SEC11A: variants seen among roughly 807,000 people sequenced by gnomAD.
SEC11A encodes the protein signal peptidase complex catalytic subunit SEC11A.
Under a neutral mutation model 25.6 loss-of-function variants are expected in SEC11A, and 14 were observed. The observed-to-expected ratio is 0.55, with a 90% CI of 0.36 to 0.85. The LOEUF (loss-of-function observed/expected upper bound fraction) is 0.85, where lower values mean the gene tolerates loss of function less well. SEC11A is among the 40% of genes least tolerant of loss of function. SEC11A has a pLI of 0.01. For missense variants in SEC11A, 153 were observed against 222.9 expected, an observed-to-expected ratio of 0.69 and a Z score of 2.00; for synonymous variants, 83 against 76.4, an observed-to-expected ratio of 1.09 and a Z score of -0.45.
rs577497463 is a variant in SEC11A at position 84,692,688 on chromosome 15, T to C, written c.52-1044A>G. 5.3e-5 allele frequency among the ~76,000 whole-genome samples: 8 copies of C among 152,228 alleles called. No homozygotes were observed. In the East Asian group the frequency reaches 1.5e-3, roughly 29 times the overall value. The stretch of plus-strand genomic sequence containing the variant: ...TTTTGGGCCAAGGCTGGAAAAAGTA[T>C]AGAGAGGATGACTAGACACCATGGC... On this transcript the variant is annotated intron_variant, in intron 1 of 5. Coordinates refer to ENST00000268220, the MANE Select transcript of SEC11A (RefSeq NM_014300.4).
chr15:84,688,156 T>C (rs1034931334), intron 2 of SEC11A, among the ~76,000 whole-genome samples: 2 of 152,166 alleles, frequency 1.3e-5, no homozygotes, highest in African/African-American at 4.8e-5. Flanking sequence ...ACTAAACATA[T>C]TCAGATATGC....
intron 1 of SEC11A, among the ~76,000 whole-genome samples, chr15:84,695,424 T>C (rs1398849544): frequency 6.6e-6 from 1 of 151,326 alleles, no homozygotes; most frequent in African/African-American, 2.4e-5. Flanking sequence ...GATCGCACCA[T>C]TGCACTCCAG....
chr15:84,677,762 C>T (rs1214873150), intron 4 of SEC11A, among the ~76,000 whole-genome samples: 3 of 152,130 alleles, frequency 2.0e-5, no homozygotes, highest in Admixed American at 6.5e-5. Context: ...CGTTAGCCAC[C>T]GCACCCAGCC....
intron 2 of SEC11A, among the ~76,000 whole-genome samples, chr15:84,688,815 G>A (rs751965707): frequency 4.6e-5 from 7 of 152,036 alleles, no homozygotes; most frequent in Non-Finnish European, 7.4e-5. Flanking sequence ...CAGGTGACCT[G>A]AGGTCAGGAG....
intron 3 of SEC11A, among the ~76,000 whole-genome samples, chr15:84,682,338 A>G (rs968224766): frequency 1.3e-5 from 2 of 151,938 alleles, no homozygotes; most frequent in Non-Finnish European, 2.9e-5. Flanking sequence ...TTTTTTCTCT[A>G]ACAAACATGA....
Position 84,670,030 on chromosome 15 carries a change from G to A in SEC11A, c.529C>T (p.His177Tyr). 2 of 1,613,498 alleles carry A rather than the reference G, an allele frequency of 1.2e-6. No individual in the cohort carries two copies. ...LFLLGLFVLV[H>Y]RE Reference sequence around the variant, plus strand: ...GCAAGGCAGGCTTCTTACTCACGATGAACCAGCACGAATAAACCCAGCAAA... The same window carrying A: ...GCAAGGCAGGCTTCTTACTCACGATAAACCAGCACGAATAAACCCAGCAAA... The change falls in exon 6 of 6, where the codon CAT becomes TAT. Residue 177 changes from histidine to tyrosine, a missense_variant. His to Tyr is a moderately conservative substitution (Grantham distance 83). Coordinates refer to ENST00000268220, the MANE Select transcript of SEC11A (RefSeq NM_014300.4).
At chr15:84,710,864 G>A (rs1208325069) in intron 1 of SEC11A, among the ~76,000 whole-genome samples, 1 of 151,962 alleles carries the variant, frequency 6.6e-6, no homozygotes, top group Non-Finnish European at 1.5e-5. Context: ...ACGAGGTCAG[G>A]AGATCAAGAC....
rs187806473 is a variant in SEC11A at position 84,681,382 on chromosome 15, C to A, written c.312-550G>T. On this transcript the variant is annotated intron_variant, in intron 3 of 5. Transcript: ENST00000268220. Reference sequence around the variant, plus strand: ...CGGTGGCTCACGCCTGTAATCCCAGCACTTTGGGAGGCCAAGGTGGGCGGA... The same window carrying A: ...CGGTGGCTCACGCCTGTAATCCCAGAACTTTGGGAGGCCAAGGTGGGCGGA... Among the ~76,000 whole-genome samples, 234 of 152,334 alleles carry A rather than the reference C, an allele frequency of 1.5e-3. No homozygotes were observed. In the Middle Eastern group the frequency reaches 0.017, roughly 11 times the overall value.
chr15:84,682,473 G>C (rs1006039152), intron 3 of SEC11A, among the ~76,000 whole-genome samples: 7 of 152,270 alleles, frequency 4.6e-5, no homozygotes, highest in African/African-American at 1.7e-4. Flanking sequence ...TTTTGAGACA[G>C]AGTCTCACAC....
At chr15:84,708,326 T>TTGAAAC (rs2141923721) in intron 1 of SEC11A, among the ~76,000 whole-genome samples, 1 of 152,050 alleles carries the variant, frequency 6.6e-6, no homozygotes, top group Admixed American at 6.5e-5. Context: ...TATTTCTACA[T>TTGAAAC]TGAAACTTGG....
At chr15:84,710,651 A>G (rs1898233451) in intron 1 of SEC11A, among the ~76,000 whole-genome samples, 2 of 152,102 alleles carry the variant, frequency 1.3e-5, no homozygotes, top group South Asian at 2.1e-4. Flanking sequence ...TAAAAAAGTG[A>G]TTGTTAAAAT....
chr15:84,715,637 T>C (rs899584832), intron 1 of SEC11A, among the ~76,000 whole-genome samples: 1 of 152,140 alleles, frequency 6.6e-6, no homozygotes, highest in Non-Finnish European at 1.5e-5. Context: ...AGAAACCGGC[T>C]AAACCTCGTC....
chr15:84,699,447 G>C (rs1262251645), intron 1 of SEC11A, among the ~76,000 whole-genome samples: 1 of 152,010 alleles, frequency 6.6e-6, no homozygotes, highest in Non-Finnish European at 1.5e-5. Flanking sequence ...TATGAAACAA[G>C]GGTTTTCGGA....
chr15:84,670,814 AT>A lies in SEC11A; in HGVS notation c.432-33del, dbSNP rs1896963981. The A allele has an allele frequency of 9.2e-6, 10 of 1,089,486 alleles. No individual in the cohort carries two copies. The East Asian group carries it at 2.6e-4, about 29-fold the overall frequency. The allele number at this position is 1,089,486 out of a possible 1,614,324, so 67.5% of individuals were successfully genotyped here. On this transcript the variant is annotated intron_variant, in intron 4 of 5. Coordinates refer to ENST00000268220, the MANE Select transcript of SEC11A (RefSeq NM_014300.4). ...CAAACAAAAAACTGATTATCACAGA[AT>A]TTCCGATGTAAAGCAGCTGTTGTCA...
At chr15:84,679,572 G>A (rs974179283) in intron 4 of SEC11A, among the ~76,000 whole-genome samples, 1 of 152,196 alleles carries the variant, frequency 6.6e-6, no homozygotes, top group African/African-American at 2.4e-5. Flanking sequence ...AGGTCAAAAG[G>A]AGCAGAGGTT....
At chr15:84,701,203 C>CAT (rs1035638658) in intron 1 of SEC11A, among the ~76,000 whole-genome samples, 3 of 149,816 alleles carry the variant, frequency 2.0e-5, no homozygotes, top group Non-Finnish European at 3.0e-5. Flanking sequence ...GGCATGGTGG[C>CAT]ATGCACTTAT....
At chr15:84,697,040 A>T (rs982388635) in intron 1 of SEC11A, among the ~76,000 whole-genome samples, 24 of 24,640 alleles carry the variant, frequency 9.7e-4, no homozygotes, top group African/African-American at 5.5e-3. Context: ...AACAAAATTT[A>T]AAAATTAAGA....
At chr15:84,699,010 G>A (rs1897845523) in intron 1 of SEC11A, among the ~76,000 whole-genome samples, 1 of 152,118 alleles carries the variant, frequency 6.6e-6, no homozygotes, top group Non-Finnish European at 1.5e-5. Flanking sequence ...CAACATAGGT[G>A]AATTTCCAAA....
chr15:84,690,487 C>A (rs1393432255), intron 2 of SEC11A, among the ~76,000 whole-genome samples: 1 of 152,076 alleles, frequency 6.6e-6, no homozygotes, highest in Non-Finnish European at 1.5e-5. Context: ...CATGGTGGGG[C>A]AGGCCTGCAG....
Sources: allele counts gnomAD v4.1 joint callset (sites outside exome capture counted in the v4.1 genomes callset), GRCh38; gene constraint gnomAD v4.1.1; transcripts MANE v1.5; gene names NCBI Gene and HGNC (gene_info 2026-07-23, HGNC 2026-07-21).